Variants in ABCC4 observed in about 807,000 individuals in gnomAD.
The protein encoded by ABCC4 is ATP binding cassette subfamily C member 4 (PEL blood group).
A neutral mutation model predicts 168.5 loss-of-function variants in ABCC4; 102 were observed. That is an observed-to-expected ratio of 0.61 (90% CI 0.52 to 0.71). ABCC4 has a LOEUF of 0.71. Among genes scored for constraint, ABCC4 ranks in the 30% least tolerant of loss-of-function variants. The probability of loss-of-function intolerance (pLI) is 0.00; values close to 1 mark genes in which losing one functional copy is unlikely to be tolerated. For synonymous variants in ABCC4, 617 were observed against 590.7 expected, an observed-to-expected ratio of 1.04 and a Z score of -0.65; for missense variants, 1,402 against 1,605.8, an observed-to-expected ratio of 0.87 and a Z score of 2.17.
At position 95,293,611 on chromosome 13, in the gene ABCC4, T is replaced by C. The variant is rs542861071; in HGVS notation, c.74+7630A>G. Among the ~76,000 whole-genome samples the C allele has an allele frequency of 8.7e-5, 13 of 149,802 alleles. No individual in the cohort carries two copies. The East Asian group carries it at 1.7e-3, about 19-fold the overall frequency. Reference sequence around the variant, plus strand: ...CCTCTCGAGTAGCTGGGACTACAGGTGCATGCCACCACGCCCAGCTAATTT... The same window carrying C: ...CCTCTCGAGTAGCTGGGACTACAGGCGCATGCCACCACGCCCAGCTAATTT... On this transcript the variant is annotated intron_variant, in intron 1 of 30. Transcript: ENST00000645237.
chr13:95,092,369 G>A (rs1167345927), intron 20 of ABCC4, among the ~76,000 whole-genome samples: 5 of 152,028 alleles, frequency 3.3e-5, no homozygotes, highest in East Asian at 1.9e-4. Flanking sequence ...CATTCTATTC[G>A]ACAGTGCATG....
intron 26 of ABCC4, among the ~76,000 whole-genome samples, chr13:95,054,850 A>G (rs1338359476): frequency 1.3e-5 from 2 of 152,206 alleles, no homozygotes; most frequent in Non-Finnish European, 2.9e-5. Flanking sequence ...GCCATAAAGA[A>G]AAATGATATC....
chr13:95,127,160 A>G (rs931081022), intron 19 of ABCC4, among the ~76,000 whole-genome samples: 2 of 151,974 alleles, frequency 1.3e-5, no homozygotes, highest in African/African-American at 4.8e-5. Flanking sequence ...TTCACCAGTC[A>G]TTTCTAAACG....
intron 1 of ABCC4, among the ~76,000 whole-genome samples, chr13:95,298,297 G>A (rs573670924): frequency 7.2e-5 from 11 of 151,820 alleles, no homozygotes; most frequent in South Asian, 4.2e-4. Context: ...GAAAGACTCC[G>A]TCTCAAAAAA....
chr13:95,167,613 T>A (rs1318666195), intron 14 of ABCC4, among the ~76,000 whole-genome samples: 1 of 152,192 alleles, frequency 6.6e-6, no homozygotes, highest in East Asian at 1.9e-4. Flanking sequence ...ACATTGTGTC[T>A]TCTTCCACAC....
chr13:95,167,024 T>TA (rs1372246585), intron 14 of ABCC4, among the ~76,000 whole-genome samples: 1 of 151,800 alleles, frequency 6.6e-6, no homozygotes, highest in Admixed American at 6.6e-5. Flanking sequence ...CCACCTCTAC[T>TA]AAAAATACAA....
intron 27 of ABCC4, among the ~76,000 whole-genome samples, chr13:95,047,444 G>C (rs935045938): frequency 5.8e-5 from 8 of 138,650 alleles, no homozygotes; most frequent in African/African-American, 2.2e-4. Context: ...TGTTTATTTT[G>C]CTCCTTCCTG....
chr13:95,262,242 G>A (rs750120263), intron 1 of ABCC4, among the ~76,000 whole-genome samples: 1 of 152,222 alleles, frequency 6.6e-6, no homozygotes, highest in Non-Finnish European at 1.5e-5. Flanking sequence ...AGAGGACTGA[G>A]CAAAGAAGTC....
intron 1 of ABCC4, among the ~76,000 whole-genome samples, chr13:95,258,867 T>C (rs2040457399): frequency 1.3e-5 from 2 of 152,220 alleles, no homozygotes; most frequent in African/African-American, 4.8e-5. Context: ...TAGTGCATTG[T>C]AAAGTACTTT....
chr13:95,190,162 T>C (rs1188400099), intron 9 of ABCC4, among the ~76,000 whole-genome samples: 2 of 151,442 alleles, frequency 1.3e-5, no homozygotes, highest in East Asian at 1.9e-4. Flanking sequence ...TGGGGCAACA[T>C]AGTGAGAAAC....
chr13:95,248,464 G>C (rs1448601184), intron 1 of ABCC4, among the ~76,000 whole-genome samples: 5 of 151,458 alleles, frequency 3.3e-5, no homozygotes, highest in Non-Finnish European at 5.9e-5. Context: ...ATCTTGCAGA[G>C]GACAGAAAGA....
At chr13:95,234,509 G>C in intron 4 of ABCC4, 101 bp downstream of exon 4, 1 of 931,652 alleles carries the variant, frequency 1.1e-6, no homozygotes, top group Non-Finnish European at 1.7e-6. Context: ...CCAGGCTGGA[G>C]TGCAGTGGCT....
chr13:95,183,270 T>C (rs1368815080), intron 11 of ABCC4, among the ~76,000 whole-genome samples: 1 of 152,164 alleles, frequency 6.6e-6, no homozygotes, highest in Non-Finnish European at 1.5e-5. Context: ...CCCCATTTAA[T>C]AAGAAATGAA....
At chr13:95,048,546 A>G (rs997416057) in intron 27 of ABCC4, among the ~76,000 whole-genome samples, 1 of 152,240 alleles carries the variant, frequency 6.6e-6, no homozygotes, top group Non-Finnish European at 1.5e-5. Context: ...GAACACAGCT[A>G]AGTGTGAACG....
At chr13:95,174,326 T>C (rs2037588232) in intron 13 of ABCC4, among the ~76,000 whole-genome samples, 1 of 152,214 alleles carries the variant, frequency 6.6e-6, no homozygotes, top group Non-Finnish European at 1.5e-5. Flanking sequence ...TTCATTCACT[T>C]TTAATACAAA....
intron 19 of ABCC4, among the ~76,000 whole-genome samples, chr13:95,125,099 G>T (rs948517195): frequency 2.6e-5 from 4 of 152,022 alleles, no homozygotes; most frequent in Admixed American, 2.0e-4. Context: ...AGAAGATACA[G>T]TGGAGGCTCA....
At chr13:95,060,333 A>C (rs1397982768) in intron 26 of ABCC4, among the ~76,000 whole-genome samples, 1 of 152,236 alleles carries the variant, frequency 6.6e-6, no homozygotes, top group Non-Finnish European at 1.5e-5. Flanking sequence ...AGGTATATTT[A>C]GTCTTTGCTC....
chr13:95,161,257 G>C lies in ABCC4; in HGVS notation c.2387C>G (p.Thr796Ser), dbSNP rs1298410603. 6.2e-7 allele frequency: 1 copy of C among 1,611,348 alleles called. No individual in the cohort carries two copies. The highest frequency in any genetic ancestry group is 1.1e-5 in the South Asian group (1 of 90,356). The change falls in exon 19 of 31, where the codon ACT becomes AGT. Residue 796 changes from threonine (T) to serine (S), a missense_variant. This residue lies in a region of ABCC4 where 1,007 missense variants were observed against 1,127.3 expected (regional missense o/e 0.89). Coordinates refer to ENST00000645237, the MANE Select transcript of ABCC4 (RefSeq NM_005845.5). ...VFYVLVNSSQ[T>S]LHNKMFESIL... ...TGACTCAAACATTTTGTTGTGCAAA[G>C]TTTGTGAAGAGTTAACAAGGACGTA...
At chr13:95,147,441 T>C (rs1238598300) in intron 19 of ABCC4, among the ~76,000 whole-genome samples, 1 of 152,208 alleles carries the variant, frequency 6.6e-6, no homozygotes, top group Non-Finnish European at 1.5e-5. Flanking sequence ...AGTTTTAAAA[T>C]ATCAGAATGT....
Sources: gnomAD v4.1 joint callset for allele counts (sites outside exome capture counted in the v4.1 genomes callset) on GRCh38, gnomAD v4.1.1 for gene constraint, gnomAD v4.1.1 regional missense constraint, MANE v1.5 for transcripts, NCBI Gene and HGNC (gene_info 2026-07-23, HGNC 2026-07-21) for gene names.